RPRD2: variants seen among roughly 807,000 people sequenced by gnomAD.
The protein encoded by RPRD2 is regulation of nuclear pre-mRNA domain containing 2, also known as regulation of nuclear pre-mRNA domain-containing protein 2.
Under a neutral mutation model 104.4 loss-of-function variants are expected in RPRD2, and 12 were observed. That is an observed-to-expected ratio of 0.11 (90% confidence interval 0.07 to 0.19). The LOEUF (loss-of-function observed/expected upper bound fraction) is 0.19. Among genes scored for constraint, RPRD2 ranks in the 10% least tolerant of loss-of-function variants. The pLI, the probability that RPRD2 is intolerant of heterozygous loss-of-function variation, is 1.00. For synonymous variants in RPRD2, 714 were observed against 684.9 expected (o/e 1.04, Z -0.66); for missense variants, 1,543 against 1,790.1 (o/e 0.86, Z 2.49).
intron 1 of RPRD2, among the ~76,000 whole-genome samples, chr1:150,365,718 T>A (rs1659790162): frequency 6.6e-6 from 1 of 151,662 alleles, no homozygotes. Flanking sequence ...GCCTCGCGAG[T>A]AGTCGGGATT....
At chr1:150,424,313 G>A (rs782193052) in intron 2 of RPRD2, among the ~76,000 whole-genome samples, 5 of 151,392 alleles carry the variant, frequency 3.3e-5, no homozygotes, top group East Asian at 2.0e-4. Context: ...TATTTGAGAT[G>A]GAGTCTCACT....
chr1:150,387,147 TA>T (rs1265784177), intron 1 of RPRD2, among the ~76,000 whole-genome samples: 1 of 152,216 alleles, frequency 6.6e-6, no homozygotes, highest in Non-Finnish European at 1.5e-5. Flanking sequence ...CAAATTGTTG[TA>T]AATCTCCTAA....
chr1:150,435,853 G>A (rs1572471267), intron 2 of RPRD2, among the ~76,000 whole-genome samples: 1 of 152,320 alleles, frequency 6.6e-6, no homozygotes, highest in African/African-American at 2.4e-5. Flanking sequence ...GTTGGAAGAT[G>A]CCATGTAGGA....
chr1:150,412,930 C>A (rs1664045288), intron 1 of RPRD2, among the ~76,000 whole-genome samples: 1 of 151,588 alleles, frequency 6.6e-6, no homozygotes, highest in Non-Finnish European at 1.5e-5. Flanking sequence ...ATCCTTTGGG[C>A]TGTGGGTTTT....
At chr1:150,443,641 C>T (rs1368812739) in intron 5 of RPRD2, among the ~76,000 whole-genome samples, 2 of 152,066 alleles carry the variant, frequency 1.3e-5, no homozygotes, top group African/African-American at 4.8e-5. Flanking sequence ...ATAAATGGAC[C>T]TTTGTCTGTT....
At chr1:150,382,462 C>G (rs1353182509) in intron 1 of RPRD2, among the ~76,000 whole-genome samples, 1 of 151,658 alleles carries the variant, frequency 6.6e-6, no homozygotes, top group Admixed American at 6.6e-5. Context: ...GGCTCTGCCT[C>G]CCGGATTCAA....
intron 2 of RPRD2, among the ~76,000 whole-genome samples, chr1:150,437,730 C>T (rs1008265369): frequency 7.2e-5 from 11 of 151,864 alleles, no homozygotes; most frequent in Admixed American, 7.2e-4. Flanking sequence ...CAGGTGTGCC[C>T]CACCACATCT....
intron 2 of RPRD2, among the ~76,000 whole-genome samples, chr1:150,424,370 A>G (rs1459017589): frequency 6.6e-6 from 1 of 151,654 alleles, no homozygotes; most frequent in African/African-American, 2.4e-5. Flanking sequence ...GCTCACTGCA[A>G]CCTCCGCTTC....
intron 7 of RPRD2, 79 bp downstream of exon 7, chr1:150,446,480 C>T: frequency 8.2e-7 from 1 of 1,216,902 alleles, no homozygotes; most frequent in Non-Finnish European, 1.1e-6. Flanking sequence ...TTATCTAACT[C>T]TGTTAGGATA....
chr1:150,431,441 C>T (rs1553891685), intron 2 of RPRD2, among the ~76,000 whole-genome samples: 1 of 135,388 alleles, frequency 7.4e-6, no homozygotes, highest in Non-Finnish European at 1.5e-5. Context: ...TGTATACAAA[C>T]ATGGAATATT....
At chr1:150,391,385 C>T (rs986353716) in intron 1 of RPRD2, among the ~76,000 whole-genome samples, 6 of 152,086 alleles carry the variant, frequency 3.9e-5, no homozygotes, top group Non-Finnish European at 7.4e-5. Context: ...AACTCCTGGG[C>T]TCAAGTGATC....
intron 1 of RPRD2, among the ~76,000 whole-genome samples, chr1:150,392,642 A>G (rs1662177948): frequency 1.3e-5 from 2 of 152,230 alleles, no homozygotes; most frequent in African/African-American, 2.4e-5. Flanking sequence ...CAGGAGTTCA[A>G]GACTAGCCTG....
chr1:150,454,063 T>A (rs1667364978), intron 7 of RPRD2, among the ~76,000 whole-genome samples: 1 of 152,182 alleles, frequency 6.6e-6, no homozygotes, highest in Non-Finnish European at 1.5e-5. Flanking sequence ...CTCATCACTA[T>A]GAGACCACTG....
rs1408440478 is a variant in RPRD2, at chr1:150,475,960, C to T, written c.*2626C>T. 6.6e-6 allele frequency: 1 copy of T among 152,022 alleles called. No homozygotes were observed. Among genetic ancestry groups the T allele is most frequent in the Non-Finnish European group, 1.5e-5 (1 of 67,944 alleles). 9.4% of individuals were successfully genotyped at this position (152,022 alleles called of 1,614,324 possible). On this transcript the variant is annotated 3_prime_UTR_variant, in exon 11 of 11. Coordinates refer to ENST00000369068, the MANE Select transcript of RPRD2 (RefSeq NM_015203.5). ...GTGAGAAGTTGTAAGGTCCTTGGTA[C>T]TCACTGTAAAATCACAGACAGAGAA... is the stretch of plus-strand genomic sequence containing the variant.
At chr1:150,389,262 C>T (rs1395391509) in intron 1 of RPRD2, among the ~76,000 whole-genome samples, 1 of 152,056 alleles carries the variant, frequency 6.6e-6, no homozygotes, top group African/African-American at 2.4e-5. Context: ...GTTGCCCAGG[C>T]TTGTCTCAAA....
chr1:150,387,249 A>G (rs1661633638), intron 1 of RPRD2, among the ~76,000 whole-genome samples: 1 of 152,128 alleles, frequency 6.6e-6, no homozygotes, highest in Non-Finnish European at 1.5e-5. Flanking sequence ...CTGTCTAAGC[A>G]TATGTTTACT....
intron 7 of RPRD2, among the ~76,000 whole-genome samples, chr1:150,448,198 C>T (rs1161799311): frequency 6.6e-6 from 1 of 152,060 alleles, no homozygotes; most frequent in South Asian, 2.1e-4. Flanking sequence ...GATGGAGTCT[C>T]GCTTTGTCAC....
chr1:150,364,597 C>G lies in RPRD2; in HGVS notation c.-118C>G, dbSNP rs1286451931. The G allele has an allele frequency of 9.7e-6, 6 of 619,890 alleles. No homozygotes were observed. Among genetic ancestry groups the G allele is most frequent in the Admixed American group, 3.0e-5 (1 of 32,910 alleles). The allele number at this position is 619,890 out of a possible 1,614,324, so 38.4% of individuals were successfully genotyped here. On this transcript the variant is annotated 5_prime_UTR_variant, in exon 1 of 11. Transcript: ENST00000369068. ...CCCAGCGCGTGCACCATCCCCACCC[C>G]CTAGCTTCCCTCCCCACCTACGGCT...
At chr1:150,369,634 TTTTTTTTTGTA>T (rs1385920088) in intron 1 of RPRD2, among the ~76,000 whole-genome samples, 3 of 129,708 alleles carry the variant, frequency 2.3e-5, no homozygotes, top group Non-Finnish European at 5.1e-5. Context: ...TTTTTTTTTT[TTTTTTTTTGTA>T]TTTTTAGTAG....
Sources: gnomAD v4.1 joint callset for allele counts (sites outside exome capture counted in the v4.1 genomes callset) on GRCh38, gnomAD v4.1.1 for gene constraint, MANE v1.5 for transcripts, NCBI Gene and HGNC (gene_info 2026-07-23, HGNC 2026-07-21) for gene names.